Variants in SAMD7 observed in about 807,000 individuals in gnomAD.
The protein encoded by SAMD7 is sterile alpha motif domain containing 7.
In SAMD7, 34 loss-of-function variants were observed where a neutral mutation model predicts 36.7. The ratio of observed to expected loss-of-function variants is 0.93; its 90% CI spans 0.71 to 1.23. SAMD7 has a LOEUF of 1.23. Ranked by LOEUF, SAMD7 falls within the 50% of genes most tolerant of loss-of-function variation. SAMD7 has a pLI of 0.00. For synonymous variants in SAMD7, 188 were observed against 189.7 expected, an observed-to-expected ratio of 0.99 and a Z score of 0.07; for missense variants, 570 against 546.6, an observed-to-expected ratio of 1.04 and a Z score of -0.43.
At position 169,916,576 on chromosome 3, in the gene SAMD7, C is replaced by T. The variant is rs764747009; in HGVS notation, c.-42+1135C>T. ...GGCAGAAGAATTGCTTGAACCCGGG[C>T]GACAGAGGTTGCAGTGAGACAGGAT... On this transcript the variant is annotated intron_variant, in intron 2 of 8. Transcript: ENST00000335556. Among the ~76,000 whole-genome samples the T allele has an allele frequency of 1.4e-4, 22 of 151,902 alleles. No homozygotes were observed. In the South Asian group the frequency reaches 1.9e-3, roughly 13 times the overall value.
intron 3 of SAMD7, among the ~76,000 whole-genome samples, chr3:169,920,066 C>T (rs868596373): frequency 2.0e-4 from 30 of 152,178 alleles, no homozygotes; most frequent in Non-Finnish European, 3.1e-4. Context: ...CCCAGCTACT[C>T]GGGAGGCTGA....
rs1713795326 is a variant in SAMD7, at chr3:169,938,330, G to T, written c.1165G>T (p.Val389Leu). 4 of 1,604,588 alleles carry T rather than the reference G, an allele frequency of 2.5e-6. No homozygotes were observed. The highest frequency in any genetic ancestry group is 1.1e-5 in the South Asian group (1 of 89,730). ...LKIQSQVSQH[V>L]GSMFYKKTLS... ...TTTGTCTTAAAAGGTATCTCAGCAT[G>T]TGGGAAGTATGTTCTACAAGAAAAC... Residue 389 changes from valine (V) to leucine (L), a missense_variant, in exon 9 of 9, where the codon GTG (valine) becomes TTG (leucine). Physicochemically the swap from Val to Leu is conservative, Grantham distance 32. Transcript: ENST00000335556.
chr3:169,932,172 G>T (rs1713521954), intron 7 of SAMD7: 2 of 636,842 alleles, frequency 3.1e-6, no homozygotes, highest in South Asian at 3.5e-5. Context: ...TGTCACCCAA[G>T]TTGGACCACA....
intron 7 of SAMD7, among the ~76,000 whole-genome samples, chr3:169,931,713 C>T (rs1713501224): frequency 6.6e-6 from 1 of 152,144 alleles, no homozygotes; most frequent in Admixed American, 6.5e-5. Flanking sequence ...ACGGCTGGCT[C>T]AGCGCTGAGA....
Position 169,926,683 on chromosome 3 carries a change from G to A in SAMD7, c.421G>A (p.Gly141Ser), listed in dbSNP as rs1391797303. Residue 141 changes from glycine to serine, a missense_variant, in exon 6 of 9, where the codon GGC becomes AGC. Transcript: ENST00000335556. ...CCCAGCTGCCCCCGCTGCCTACCATGGCAGGAGCATGCTCCCTGCCGGTGA... is the reference window on the plus strand; with the variant it reads ...CCCAGCTGCCCCCGCTGCCTACCATAGCAGGAGCATGCTCCCTGCCGGTGA... ...SVPAAPAAYH[G>S]RSMLPAGDLH... The A allele has an allele frequency of 2.5e-6, 4 of 1,613,898 alleles. No individual in the cohort carries two copies. The highest frequency in any genetic ancestry group is 3.4e-6 in the Non-Finnish European group (4 of 1,179,982).
chr3:169,917,532 G>T (rs537044883), intron 2 of SAMD7, among the ~76,000 whole-genome samples: 58 of 151,882 alleles, frequency 3.8e-4, no homozygotes, highest in Non-Finnish European at 3.1e-4. Flanking sequence ...ATCACATCAG[G>T]GTAAACGGCC....
chr3:169,914,294 T>A (rs1712713019), intron 1 of SAMD7, among the ~76,000 whole-genome samples: 1 of 152,170 alleles, frequency 6.6e-6, no homozygotes, highest in South Asian at 2.1e-4. Flanking sequence ...ACTATGTAAT[T>A]TGAGGTATGT....
At position 169,921,283 on chromosome 3, in the gene SAMD7, C is replaced by A; in HGVS notation, c.156C>A (p.Ser52=). Residue 52 remains serine (S), a synonymous_variant, in exon 4 of 9, where the codon TCC becomes TCA. Transcript: ENST00000335556. ...RQFCVPSQFG[S]SVLPNTNMAN... is the part of the protein sequence containing the mutation. ...TTTGCGTTCCTTCCCAATTTGGATC[C>A]TCTGTTCTACCAAACACAAATATGG... 5 of 1,614,050 alleles carry A rather than the reference C, an allele frequency of 3.1e-6. No individual in the cohort carries two copies. Among genetic ancestry groups the A allele is most frequent in the Non-Finnish European group, 4.2e-6 (5 of 1,179,910 alleles).
At chr3:169,918,600 G>A (rs544215139) in intron 2 of SAMD7, among the ~76,000 whole-genome samples, 1 of 152,156 alleles carries the variant, frequency 6.6e-6, no homozygotes, top group Admixed American at 6.6e-5. Context: ...AGTTTCTGAA[G>A]GTAAAGCATA....
chr3:169,922,670 T>A (rs1007472746), intron 4 of SAMD7, among the ~76,000 whole-genome samples: 1 of 152,156 alleles, frequency 6.6e-6, no homozygotes, highest in African/African-American at 2.4e-5. Context: ...CGGCTAATTT[T>A]TGTATTATTA....
rs114989722 is a variant in SAMD7, at chr3:169,931,237, T to A, written c.1041+2659T>A. Among the ~76,000 whole-genome samples the A allele has an allele frequency of 8.5e-3, 1,296 of 152,322 alleles. 20 individuals are homozygous for A. The highest frequency in any genetic ancestry group is 0.029 in the African/African-American group (1,223 of 41,574). ...TCTCTCTAAAAAGAACTGAAATTAC[T>A]GAAAATATGTGCACATTTATATCAT... is the stretch of plus-strand genomic sequence containing the variant. On this transcript the variant is annotated intron_variant, in intron 7 of 8. Coordinates refer to ENST00000335556, the MANE Select transcript of SAMD7 (RefSeq NM_001304366.2).
At chr3:169,927,278 TA>T in intron 6 of SAMD7, 97 bp downstream of exon 6, 1 of 733,624 alleles carries the variant, frequency 1.4e-6, no homozygotes, top group Non-Finnish European at 1.9e-6. Context: ...TGCCTCTTTT[TA>T]TCTTTCTTTT....
intron 2 of SAMD7, among the ~76,000 whole-genome samples, chr3:169,915,919 T>A (rs1712779357): frequency 2.0e-5 from 3 of 152,076 alleles, no homozygotes; most frequent in African/African-American, 7.2e-5. Flanking sequence ...GAGGAAAATT[T>A]GATATAAAAG....
rs1202870904 is a variant in SAMD7 at position 169,926,721 on chromosome 3, C to A, written c.459C>A (p.His153Gln). 2 of 1,613,932 alleles carry A rather than the reference C, an allele frequency of 1.2e-6. No homozygotes were observed. Among genetic ancestry groups the A allele is most frequent in the Non-Finnish European group, 1.7e-6 (2 of 1,179,998 alleles). The change falls in exon 6 of 9, where the codon CAC (histidine) becomes CAA (glutamine). Residue 153 changes from histidine (H) to glutamine (Q), a missense_variant. By Grantham distance (24) the His-to-Gln change is conservative. Coordinates refer to ENST00000335556, the MANE Select transcript of SAMD7 (RefSeq NM_001304366.2). ...TCCCTGCCGGTGACCTGCATTTTCA[C>A]AGAAGCACCCTCAGAAACCTTCAGG... ...SMLPAGDLHF[H>Q]RSTLRNLQGN...
chr3:169,925,009 C>A, intron 4 of SAMD7, 49 bp from the exon 5 acceptor site: 2 of 1,081,248 alleles, frequency 1.8e-6, no homozygotes, highest in African/African-American at 1.6e-5. Flanking sequence ...TTTTCAAATG[C>A]ATGTTTTTAA....
chr3:169,936,387 G>A lies in SAMD7; in HGVS notation c.1090G>A (p.Glu364Lys), dbSNP rs1197688691. 6.2e-7 allele frequency: 1 copy of A among 1,613,584 alleles called. No individual in the cohort carries two copies. The highest frequency in any genetic ancestry group is 1.3e-5 in the African/African-American group (1 of 74,908). Residue 364 changes from glutamate to lysine, a missense_variant, in exon 8 of 9, where the codon GAA becomes AAA. Coordinates refer to ENST00000335556, the MANE Select transcript of SAMD7 (RefSeq NM_001304366.2). ...IDGETLPLLT[E>K]EHLRGTMGLK... Reference sequence around the variant, plus strand: ...TGGAGAAACTTTGCCATTACTCACAGAAGAGCATCTTCGAGGCACTATGGG... The same window carrying A: ...TGGAGAAACTTTGCCATTACTCACAAAAGAGCATCTTCGAGGCACTATGGG...
chr3:169,923,866 T>C (rs1466453821), intron 4 of SAMD7, among the ~76,000 whole-genome samples: 3 of 152,192 alleles, frequency 2.0e-5, no homozygotes, highest in African/African-American at 7.2e-5. Flanking sequence ...AACAGGGTTG[T>C]TAGGTAGCAG....
chr3:169,925,227 A>T, intron 5 of SAMD7, 91 bp downstream of exon 5: 1 of 765,870 alleles, frequency 1.3e-6, no homozygotes, highest in Non-Finnish European at 2.1e-6. Context: ...GAATAGATGA[A>T]TATATATAAC....
chr3:169,924,620 C>G (rs555851533), intron 4 of SAMD7, among the ~76,000 whole-genome samples: 19 of 152,216 alleles, frequency 1.2e-4, no homozygotes, highest in African/African-American at 4.3e-4. Context: ...CTTCTGACCA[C>G]AAAAAGTGAT....
Sources: gnomAD v4.1 joint callset for allele counts (sites outside exome capture counted in the v4.1 genomes callset) on GRCh38, gnomAD v4.1.1 for gene constraint, MANE v1.5 for transcripts, NCBI Gene and HGNC (gene_info 2026-07-23, HGNC 2026-07-21) for gene names.